The following PTPRQ variants were observed in gnomAD, a reference collection of about 807,000 sequenced individuals.
PTPRQ encodes phosphatidylinositol phosphatase PTPRQ.
Under a neutral mutation model 246.0 loss-of-function variants are expected in PTPRQ, and 199 were observed. The observed-to-expected ratio is 0.81, with a 90% confidence interval of 0.72 to 0.91. PTPRQ has a LOEUF of 0.91. PTPRQ is among the 40% of genes least tolerant of loss of function. The pLI, the probability that PTPRQ is intolerant of heterozygous loss-of-function variation, is 0.00. For synonymous variants in PTPRQ, 869 were observed against 853.2 expected (o/e 1.02, Z -0.32); for missense variants, 2,624 against 2,528.4 (o/e 1.04, Z -0.81).
chr12:80,584,155 A>T (rs945450349), intron 25 of PTPRQ: 1 of 152,180 alleles, frequency 6.6e-6, no homozygotes, highest in Non-Finnish European at 1.5e-5. Flanking sequence ...CAGCAGCAAC[A>T]TAGCTTTCCA....
intron 25 of PTPRQ, among the ~76,000 whole-genome samples, chr12:80,581,777 C>T (rs541370873): frequency 6.6e-6 from 1 of 151,932 alleles, no homozygotes; most frequent in Non-Finnish European, 1.5e-5. Context: ...ATAGCAAAGC[C>T]ATACACCCAA....
chr12:80,466,965 A>C (rs1296015489), intron 6 of PTPRQ, among the ~76,000 whole-genome samples: 1 of 152,194 alleles, frequency 6.6e-6, no homozygotes, highest in African/African-American at 2.4e-5. Context: ...TTCATGTCTA[A>C]AACACCAAAA....
chr12:80,495,995 A>T lies in PTPRQ; in HGVS notation c.1883-4A>T. Reference sequence around the variant, plus strand: ...ATTAAACAGTTTGTCTCTTGTCCTTATAGGGTTAAAGAAATACACAAAATA... The same window carrying T: ...ATTAAACAGTTTGTCTCTTGTCCTTTTAGGGTTAAAGAAATACACAAAATA... On this transcript the variant is annotated splice_region_variant and splice_polypyrimidine_tract_variant and intron_variant, in intron 12 of 44. Transcript: ENST00000644991. The T allele has an allele frequency of 1.3e-6, 2 of 1,548,478 alleles. No individual in the cohort carries two copies. Among genetic ancestry groups the T allele is most frequent in the Non-Finnish European group, 1.7e-6 (2 of 1,145,672 alleles).
intron 17 of PTPRQ, among the ~76,000 whole-genome samples, chr12:80,513,834 C>T (rs933660323): frequency 2.6e-5 from 4 of 152,276 alleles, no homozygotes; most frequent in Middle Eastern, 3.4e-3. Context: ...GGTTCCCTAG[C>T]ATGTCTGTGT....
At chr12:80,553,798 T>C (rs1367322005) in intron 25 of PTPRQ, among the ~76,000 whole-genome samples, 1 of 152,196 alleles carries the variant, frequency 6.6e-6, no homozygotes, top group South Asian at 2.1e-4. Flanking sequence ...AAATATATCA[T>C]ATAAACCAAT....
chr12:80,582,238 C>T (rs993236500), intron 25 of PTPRQ, among the ~76,000 whole-genome samples: 6 of 152,078 alleles, frequency 3.9e-5, no homozygotes, highest in Admixed American at 3.3e-4. Context: ...ATATCCAAAG[C>T]ATATATATAG....
chr12:80,666,800 A>T (rs11114555), intron 39 of PTPRQ, among the ~76,000 whole-genome samples: 31,390 of 151,820 alleles, frequency 0.21, 5,288 homozygotes, highest in African/African-American at 0.46. Flanking sequence ...CCTCATATCA[A>T]ATCTATTAGC....
intron 17 of PTPRQ, among the ~76,000 whole-genome samples, chr12:80,520,056 C>A (rs1032980322): frequency 6.6e-6 from 1 of 152,088 alleles, no homozygotes; most frequent in Non-Finnish European, 1.5e-5. Context: ...CATGTCTTAA[C>A]CCTTGCCTGA....
chr12:80,605,418 C>T (rs1898280513), intron 27 of PTPRQ, among the ~76,000 whole-genome samples: 1 of 150,912 alleles, frequency 6.6e-6, no homozygotes, highest in East Asian at 2.0e-4. Context: ...GGTAAATGCT[C>T]AATAAATATA....
chr12:80,563,355 C>T (rs1034529708), intron 25 of PTPRQ, among the ~76,000 whole-genome samples: 3 of 151,828 alleles, frequency 2.0e-5, no homozygotes, highest in Non-Finnish European at 4.4e-5. Context: ...GTGATTACTG[C>T]CCTAATCCCA....
chr12:80,640,440 T>A (rs1451051040), intron 35 of PTPRQ, among the ~76,000 whole-genome samples: 1 of 152,210 alleles, frequency 6.6e-6, no homozygotes, highest in Non-Finnish European at 1.5e-5. Context: ...ATGGCAAAAA[T>A]TTGTGAATTC....
At chr12:80,505,946 G>T (rs1376813305) in intron 14 of PTPRQ, 78 bp from the exon 15 acceptor site, 2 of 1,452,312 alleles carry the variant, frequency 1.4e-6, no homozygotes, top group Non-Finnish European at 1.8e-6. Flanking sequence ...ATAACCTAGT[G>T]CACTTCAGTG....
chr12:80,474,668 T>C (rs1173950681), intron 8 of PTPRQ, among the ~76,000 whole-genome samples: 1 of 152,210 alleles, frequency 6.6e-6, no homozygotes, highest in Non-Finnish European at 1.5e-5. Flanking sequence ...TAAAATGTCA[T>C]AGAGTTGCCT....
chr12:80,649,719 T>C, intron 37 of PTPRQ, 50 bp downstream of exon 37: 1 of 1,509,758 alleles, frequency 6.6e-7, no homozygotes, highest in African/African-American at 1.4e-5. Flanking sequence ...AGTCGTTTCA[T>C]GTGTCACATT....
rs566871871 is a variant in PTPRQ at position 80,676,142 on chromosome 12, C to G, written c.6739-2460C>G. On this transcript the variant is annotated intron_variant, in intron 43 of 44. Coordinates refer to ENST00000644991, the MANE Select transcript of PTPRQ (RefSeq NM_001145026.2). ...ACAGAAAAATGACCACCCCTTGCCT[C>G]CAGTCCTTACAAACCAGCATTGCCT... 2.0e-4 allele frequency among the ~76,000 whole-genome samples: 30 copies of G among 152,272 alleles called. 1 individual carries two copies. The South Asian group carries it at 5.8e-3, about 29-fold the overall frequency.
intron 8 of PTPRQ, among the ~76,000 whole-genome samples, chr12:80,479,669 A>G (rs1893961422): frequency 2.1e-5 from 3 of 140,262 alleles, no homozygotes; most frequent in African/African-American, 5.6e-5. Flanking sequence ...TCAAAATAAA[A>G]GGATGGAGGA....
Position 80,457,600 on chromosome 12 carries a change from T to C in PTPRQ, c.416T>C (p.Ile139Thr). 2.5e-6 allele frequency: 1 copy of C among 400,324 alleles called. No individual in the cohort carries two copies. The highest frequency in any genetic ancestry group is 3.6e-5 in the East Asian group (1 of 28,004). 24.8% of individuals were successfully genotyped at this position (400,324 alleles called of 1,614,324 possible). Residue 139 changes from isoleucine to threonine, a missense_variant, in exon 4 of 45, where the codon ATT becomes ACT. Coordinates refer to ENST00000644991, the MANE Select transcript of PTPRQ (RefSeq NM_001145026.2). ...IKVAAENSAG[I>T]GVFSDPFLFQ... ...GTTGCTGCTGAAAACAGTGCTGGCA[T>C]TGGAGTGTTTAGTGATCCATTTCTC... is the stretch of plus-strand genomic sequence containing the variant.
chr12:80,463,115 T>G (rs913016269), intron 6 of PTPRQ, among the ~76,000 whole-genome samples: 9 of 151,890 alleles, frequency 5.9e-5, no homozygotes, highest in Admixed American at 5.2e-4. Context: ...GTTGAAAACT[T>G]TGAAAAAAAT....
chr12:80,472,330 C>T (rs867965981), intron 8 of PTPRQ, 79 bp downstream of exon 8: 12 of 1,503,350 alleles, frequency 8.0e-6, no homozygotes, highest in Middle Eastern at 3.4e-4. Context: ...ATATTAGAAG[C>T]AATTTGTTTT....
Sources: gnomAD v4.1 joint callset for allele counts (sites outside exome capture counted in the v4.1 genomes callset) on GRCh38, gnomAD v4.1.1 for gene constraint, MANE v1.5 for transcripts, NCBI Gene and HGNC (gene_info 2026-07-23, HGNC 2026-07-21) for gene names.